Variants in PDE4B observed in about 807,000 individuals in gnomAD.
PDE4B encodes phosphodiesterase 4B, also known as 3',5'-cyclic-AMP phosphodiesterase 4B.
In PDE4B, 20 loss-of-function variants were observed where a neutral mutation model predicts 82.2. That is an observed-to-expected ratio of 0.24 (90% CI 0.17 to 0.35). The LOEUF (loss-of-function observed/expected upper bound fraction) is 0.35, where lower values mean the gene tolerates loss of function less well. Ranked by LOEUF, PDE4B falls within the 10% of genes least tolerant of loss-of-function variation. The pLI is 1.00. For synonymous variants in PDE4B, 320 were observed against 318.9 expected (o/e 1.00, Z -0.04); for missense variants, 655 against 907.2 (o/e 0.72, Z 3.57).
chr1:66,184,005 G>A (rs1338720), intron 3 of PDE4B, among the ~76,000 whole-genome samples: 146,710 of 152,212 alleles, frequency 0.96, 70,936 homozygotes, highest in East Asian at 1. Context: ...AGGGACCTGC[G>A]TGAACAGAGT....
At chr1:65,973,770 A>G (rs1157713804) in intron 3 of PDE4B, among the ~76,000 whole-genome samples, 2 of 151,882 alleles carry the variant, frequency 1.3e-5, no homozygotes, top group African/African-American at 2.4e-5. Flanking sequence ...AGCATACAAA[A>G]CAATGCAAAA....
chr1:65,870,536 CAAAT>C (rs1016770997), intron 1 of PDE4B, among the ~76,000 whole-genome samples: 1 of 152,048 alleles, frequency 6.6e-6, no homozygotes, highest in African/African-American at 2.4e-5. Flanking sequence ...TAAAAACAAA[CAAAT>C]TAATACCTTT....
chr1:66,330,746 G>A lies in PDE4B; in HGVS notation c.635-1762G>A, dbSNP rs967554435. 13 of 984,888 alleles carry A rather than the reference G, an allele frequency of 1.3e-5. 2 individuals carry two copies. Among genetic ancestry groups the A allele is most frequent in the Admixed American group, 6.1e-5 (1 of 16,284 alleles). The allele number at this position is 984,888 out of a possible 1,614,324, so 61.0% of individuals were successfully genotyped here. ...TGCTCTTCTGGAAGCAAACAGAGGA[G>A]GCAAGGGGTTGTTTCGGACACACTA... is the stretch of plus-strand genomic sequence containing the variant. On this transcript the variant is annotated intron_variant, in intron 7 of 16. Coordinates refer to ENST00000341517, the MANE Select transcript of PDE4B (RefSeq NM_002600.4).
At chr1:65,926,872 A>G (rs866306697) in intron 3 of PDE4B, among the ~76,000 whole-genome samples, 6 of 152,190 alleles carry the variant, frequency 3.9e-5, no homozygotes, top group African/African-American at 1.4e-4. Context: ...AAATCAAATA[A>G]TAAAAACAGA....
At chr1:66,234,193 A>G (rs1389662431) in intron 3 of PDE4B, among the ~76,000 whole-genome samples, 1 of 152,226 alleles carries the variant, frequency 6.6e-6, no homozygotes, top group Non-Finnish European at 1.5e-5. Context: ...ATACAGACCT[A>G]TTCACATTAT....
At chr1:66,084,842 T>G (rs1656923490) in intron 3 of PDE4B, among the ~76,000 whole-genome samples, 1 of 152,034 alleles carries the variant, frequency 6.6e-6, no homozygotes, top group Non-Finnish European at 1.5e-5. Flanking sequence ...CAAGGCAGAG[T>G]CCCAAGCATT....
intron 3 of PDE4B, among the ~76,000 whole-genome samples, chr1:66,078,629 C>G (rs1656555765): frequency 6.6e-6 from 1 of 152,120 alleles, no homozygotes; most frequent in Admixed American, 6.6e-5. Context: ...CTGGTTATTT[C>G]TCCCTTCTCC....
intron 1 of PDE4B, among the ~76,000 whole-genome samples, chr1:65,883,418 A>G (rs1046952376): frequency 8.5e-5 from 13 of 152,120 alleles, no homozygotes; most frequent in Non-Finnish European, 1.8e-4. Context: ...CTTTGAAGCA[A>G]TTGTGAATGG....
chr1:66,277,346 A>G (rs1218336656), intron 7 of PDE4B, among the ~76,000 whole-genome samples: 1 of 151,904 alleles, frequency 6.6e-6, no homozygotes, highest in Admixed American at 6.6e-5. Flanking sequence ...AAACAGATTG[A>G]CGTGATCTGA....
chr1:65,954,317 A>G (rs925355622), intron 3 of PDE4B, among the ~76,000 whole-genome samples: 1 of 152,146 alleles, frequency 6.6e-6, no homozygotes, highest in African/African-American at 2.4e-5. Context: ...AGGCCACCAT[A>G]CTTGAATTAC....
At chr1:66,147,328 G>A (rs948240680) in intron 3 of PDE4B, among the ~76,000 whole-genome samples, 2 of 152,146 alleles carry the variant, frequency 1.3e-5, no homozygotes, top group African/African-American at 2.4e-5. Context: ...CGTAAGGTCA[G>A]GAATACTATC....
chr1:66,039,520 C>T (rs982827403), intron 3 of PDE4B, among the ~76,000 whole-genome samples: 6 of 151,968 alleles, frequency 3.9e-5, no homozygotes, highest in African/African-American at 9.7e-5. Flanking sequence ...TCACCAACAA[C>T]GTTGTTTACT....
chr1:65,992,035 A>C (rs965055249), intron 3 of PDE4B, among the ~76,000 whole-genome samples: 5 of 152,190 alleles, frequency 3.3e-5, no homozygotes, highest in Non-Finnish European at 7.3e-5. Context: ...ATTGTAATAA[A>C]GATTGGGCAT....
At chr1:65,877,015 C>T (rs1369837158) in intron 1 of PDE4B, among the ~76,000 whole-genome samples, 1 of 152,136 alleles carries the variant, frequency 6.6e-6, no homozygotes, top group Non-Finnish European at 1.5e-5. Context: ...CACCACCATG[C>T]TACCATTGAC....
At chr1:66,264,455 G>C (rs912133873) in intron 6 of PDE4B, among the ~76,000 whole-genome samples, 5 of 152,170 alleles carry the variant, frequency 3.3e-5, no homozygotes, top group Admixed American at 1.3e-4. Flanking sequence ...CTGAGCTTCA[G>C]TTTTCTTATC....
chr1:66,240,448 G>A lies in PDE4B; in HGVS notation c.282-7012G>A, dbSNP rs541319706. The stretch of plus-strand genomic sequence containing the variant: ...ATCTGATCTTAACTCAAATGACACC[G>A]CCTGAGAAAGGTGGATGGTGTTTCC... On this transcript the variant is annotated intron_variant, in intron 3 of 16. Coordinates refer to ENST00000341517, the MANE Select transcript of PDE4B (RefSeq NM_002600.4). Among the ~76,000 whole-genome samples the A allele has an allele frequency of 5.3e-5, 8 of 152,260 alleles. No homozygotes were observed. The South Asian group carries it at 1.0e-3, about 20-fold the overall frequency.
intron 3 of PDE4B, among the ~76,000 whole-genome samples, chr1:66,184,490 T>C (rs1647138925): frequency 6.6e-6 from 1 of 152,154 alleles, no homozygotes; most frequent in East Asian, 1.9e-4. Flanking sequence ...AAGCTATGGG[T>C]TAGAACCAAC....
intron 1 of PDE4B, among the ~76,000 whole-genome samples, chr1:65,806,542 A>G (rs1171150755): frequency 6.6e-6 from 1 of 152,236 alleles, no homozygotes; most frequent in Non-Finnish European, 1.5e-5. Context: ...TTTTAAATTC[A>G]CATTTGAATC....
chr1:66,116,161 A>G (rs1479196727), intron 3 of PDE4B, among the ~76,000 whole-genome samples: 1 of 152,068 alleles, frequency 6.6e-6, no homozygotes, highest in Non-Finnish European at 1.5e-5. Context: ...GTTCACTTGC[A>G]TGGGCATGCC....
Sources: gnomAD v4.1 joint callset for allele counts (sites outside exome capture counted in the v4.1 genomes callset) on GRCh38, gnomAD v4.1.1 for gene constraint, MANE v1.5 for transcripts, NCBI Gene and HGNC (gene_info 2026-07-23, HGNC 2026-07-21) for gene names.